RPS6KA5: variants seen among roughly 807,000 people sequenced by gnomAD.
RPS6KA5 encodes the protein ribosomal protein S6 kinase alpha-5.
In RPS6KA5, 27 loss-of-function variants were observed where a neutral mutation model predicts 85.5. That is an observed-to-expected ratio of 0.32 (90% CI 0.23 to 0.44). RPS6KA5 has a LOEUF of 0.44. RPS6KA5 is among the 20% of genes least tolerant of loss of function. The pLI is 1.00. For synonymous variants in RPS6KA5, 334 were observed against 348.2 expected (o/e 0.96, Z 0.46); for missense variants, 811 against 980.9 (o/e 0.83, Z 2.31).
intron 3 of RPS6KA5, among the ~76,000 whole-genome samples, chr14:90,951,163 T>C (rs901859899): frequency 1.9e-4 from 27 of 145,654 alleles, no homozygotes; most frequent in Admixed American, 1.6e-3. Flanking sequence ...TAATGGTCTG[T>C]AGTTGATACA....
At chr14:90,931,825 T>C (rs2036999761) in intron 5 of RPS6KA5, among the ~76,000 whole-genome samples, 1 of 152,138 alleles carries the variant, frequency 6.6e-6, no homozygotes. Flanking sequence ...ATAACTAATA[T>C]AAAGGATTAT....
At position 90,855,613 on chromosome 14, in the gene RPS6KA5, T is replaced by TTTTTTTTTTGTA. The variant is rs1555353427; in HGVS notation, c.*16460_*16461insTACAAAAAAAAA. ...CCACCACGCCCAGCTAATTTTTGTA[T>TTTTTTTTTTGTA]TTTTTTTTTTTTGAGACAGAGTCTT... On this transcript the variant is annotated 3_prime_UTR_variant, in exon 17 of 17. Coordinates refer to ENST00000614987, the MANE Select transcript of RPS6KA5 (RefSeq NM_004755.4). 6,161 of 139,714 alleles carry TTTTTTTTTTGTA rather than the reference T, an allele frequency of 0.044. 346 individuals are homozygous for TTTTTTTTTTGTA. Among genetic ancestry groups the TTTTTTTTTTGTA allele is most frequent in the African/African-American group, 0.12 (4,683 of 37,536 alleles). 8.7% of individuals were successfully genotyped at this position (139,714 alleles called of 1,614,324 possible). A position where few individuals can be genotyped will look rare whatever the true frequency, so the allele number is the denominator to read the frequency against.
intron 3 of RPS6KA5, among the ~76,000 whole-genome samples, chr14:90,969,568 G>A (rs1039661306): frequency 1.3e-5 from 2 of 152,150 alleles, no homozygotes; most frequent in East Asian, 1.9e-4. Flanking sequence ...TGTCTTGCTC[G>A]TGCAATTGCA....
chr14:91,060,282 C>G (rs2043598753), intron 1 of RPS6KA5, 50 bp downstream of exon 1: 1 of 1,133,254 alleles, frequency 8.8e-7, no homozygotes, highest in Admixed American at 5.0e-5. Flanking sequence ...CGCGTGCCCT[C>G]AGGCGCGCCC....
chr14:91,050,897 A>G (rs1212621371), intron 1 of RPS6KA5, among the ~76,000 whole-genome samples: 1 of 152,238 alleles, frequency 6.6e-6, no homozygotes, highest in Admixed American at 6.5e-5. Flanking sequence ...CAACAGATCC[A>G]ACATGAATCC....
At chr14:90,925,728 A>G (rs2036621126) in intron 5 of RPS6KA5, among the ~76,000 whole-genome samples, 1 of 151,828 alleles carries the variant, frequency 6.6e-6, no homozygotes, top group Admixed American at 6.6e-5. Context: ...AAGACATAAA[A>G]TAAGACAGCC....
chr14:90,934,812 TG>T (rs2037174790), intron 5 of RPS6KA5, among the ~76,000 whole-genome samples: 1 of 152,132 alleles, frequency 6.6e-6, no homozygotes, highest in Admixed American at 6.6e-5. Flanking sequence ...CTCAGATATC[TG>T]GGGGAAAAAA....
chr14:90,853,785 C>T lies in RPS6KA5; in HGVS notation c.*18289G>A, dbSNP rs1595076297. On this transcript the variant is annotated 3_prime_UTR_variant, in exon 17 of 17. Transcript: ENST00000614987. ...ATCCTGGAGCTCTGGAATGTTATTC[C>T]CTCTTAAAGCTGTATTAGGTCTTTA... 1 of 151,998 alleles carries T rather than the reference C, an allele frequency of 6.6e-6. No individual in the cohort carries two copies. Among genetic ancestry groups the T allele is most frequent in the African/African-American group, 2.4e-5 (1 of 41,410 alleles). The allele number at this position is 151,998 out of a possible 1,614,324, so 9.4% of individuals were successfully genotyped here.
intron 2 of RPS6KA5, among the ~76,000 whole-genome samples, chr14:90,990,500 A>C (rs1234121932): frequency 6.6e-6 from 1 of 152,116 alleles, no homozygotes; most frequent in Non-Finnish European, 1.5e-5. Context: ...CAGAAATACC[A>C]CTCAACCCAG....
intron 2 of RPS6KA5, among the ~76,000 whole-genome samples, chr14:90,983,815 CTG>C (rs1491332446): frequency 0.019 from 2,473 of 128,048 alleles, 67 homozygotes; most frequent in African/African-American, 0.067. Context: ...CTCTCTCTCT[CTG>C]TCTCTCTCTC....
At position 90,962,415 on chromosome 14, in the gene RPS6KA5, T is replaced by C. The variant is rs141975385; in HGVS notation, c.395-14865A>G. 3.1e-3 allele frequency among the ~76,000 whole-genome samples: 465 copies of C among 152,036 alleles called. 5 individuals carry two copies. The highest frequency in any genetic ancestry group is 0.011 in the African/African-American group (445 of 41,462). ...ACTTCCTGGGCTCAAATGATCCTCC[T>C]GCCTCAGCCTCCCAAGTAGCTGGGA... On this transcript the variant is annotated intron_variant, in intron 3 of 16. Transcript: ENST00000614987.
At chr14:90,935,236 T>C (rs1178814013) in intron 5 of RPS6KA5, among the ~76,000 whole-genome samples, 1 of 152,112 alleles carries the variant, frequency 6.6e-6, no homozygotes, top group South Asian at 2.1e-4. Context: ...CAGCAGAAAC[T>C]TGAAAGTGGC....
Position 90,906,149 on chromosome 14 carries a change from C to A in RPS6KA5, c.957G>T (p.Gln319His). 6.3e-7 allele frequency: 1 copy of A among 1,589,142 alleles called. No individual in the cohort carries two copies. Among genetic ancestry groups the A allele is most frequent in the South Asian group, 1.1e-5 (1 of 88,044 alleles). Reference protein sequence around the residue: ...ADEIKEHLFFQKINWDDLAAK... With the variant: ...ADEIKEHLFFHKINWDDLAAK... ...CCATTTATCTATTCAATAATTTCAC[C>A]TGAAAGAAGAGATGTTCTTTGATTT... Residue 319 changes from glutamine to histidine, a missense_variant and splice_region_variant, in exon 8 of 17, where the codon CAG becomes CAT. Physicochemically the swap from Gln to His is conservative, Grantham distance 24. Transcript: ENST00000614987.
chr14:90,964,284 G>A (rs1454217134), intron 3 of RPS6KA5, among the ~76,000 whole-genome samples: 1 of 151,950 alleles, frequency 6.6e-6, no homozygotes, highest in Admixed American at 6.6e-5. Flanking sequence ...TTTATTCCCT[G>A]AGCCTCAGAT....
intron 3 of RPS6KA5, among the ~76,000 whole-genome samples, chr14:90,969,973 T>C (rs2039246912): frequency 6.6e-6 from 1 of 152,130 alleles, no homozygotes; most frequent in African/African-American, 2.4e-5. Context: ...CCTGTTCTCA[T>C]TTCTACCTAC....
rs1555372458 is a variant in RPS6KA5, at chr14:90,983,813, C to CTG, written c.176-5290_176-5289insCA. ...TCTCTCTCTCTCTCTCTCTCTCTCT[C>CTG]TCTGTCTCTCTCTCTCTCTCTCTCT... On this transcript the variant is annotated intron_variant, in intron 2 of 16. Transcript: ENST00000614987. 7.9e-3 allele frequency among the ~76,000 whole-genome samples: 675 copies of CTG among 85,184 alleles called. 3 individuals are homozygous for CTG. Among genetic ancestry groups the CTG allele is most frequent in the East Asian group, 0.035 (67 of 1,922 alleles). The allele number at this position is 85,184 out of a possible 152,430, so 55.9% of individuals were successfully genotyped here. A position where few individuals can be genotyped will look rare whatever the true frequency, so the allele number is the denominator to read the frequency against.
At chr14:91,049,804 C>G (rs1159256569) in intron 1 of RPS6KA5, among the ~76,000 whole-genome samples, 1 of 152,170 alleles carries the variant, frequency 6.6e-6, no homozygotes, top group Non-Finnish European at 1.5e-5. Context: ...TTACTACACA[C>G]CTGGTATATG....
chr14:90,922,875 C>G (rs2036474892), intron 6 of RPS6KA5, among the ~76,000 whole-genome samples: 2 of 151,874 alleles, frequency 1.3e-5, no homozygotes, highest in South Asian at 4.2e-4. Flanking sequence ...CAATTCTCAC[C>G]AATAAAATCT....
chr14:90,983,837 C>CTCTCTCTTTCTT lies in RPS6KA5; in HGVS notation c.176-5314_176-5313insAAGAAAGAGAGA, dbSNP rs1555372472. On this transcript the variant is annotated intron_variant, in intron 2 of 16. Transcript: ENST00000614987. ...TCTCTGTCTCTCTCTCTCTCTCTCT[C>CTCTCTCTTTCTT]TCTTTCTTTTTTTCTTTCTTTCTTT... 2.2e-5 allele frequency among the ~76,000 whole-genome samples: 3 copies of CTCTCTCTTTCTT among 137,892 alleles called. No individual in the cohort carries two copies. In the East Asian group the frequency reaches 6.6e-4, roughly 30 times the overall value. The allele number at this position is 137,892 out of a possible 152,430, so 90.5% of individuals were successfully genotyped here.
Sources: gnomAD v4.1 joint callset for allele counts (sites outside exome capture counted in the v4.1 genomes callset) on GRCh38, gnomAD v4.1.1 for gene constraint, MANE v1.5 for transcripts, NCBI Gene and HGNC (gene_info 2026-07-23, HGNC 2026-07-21) for gene names.